STS: variants seen among roughly 807,000 people sequenced by gnomAD.
STS encodes the protein steroid sulfatase.
STS carries 7 observed loss-of-function variants against 26.8 expected under a neutral mutation model. The observed-to-expected ratio is 0.26, with a 90% confidence interval of 0.15 to 0.49. The LOEUF is 0.49. STS is among the 20% of genes least tolerant of loss of function. STS has a pLI of 0.98. For missense variants in STS, 434 were observed against 465.6 expected (o/e 0.93, Z 0.63); for synonymous variants, 199 against 189.4 (o/e 1.05, Z -0.42).
chrX:7,325,372 G>A lies in STS; in HGVS notation c.1115G>A (p.Arg372Gln), dbSNP rs753796798. ...GKANNWEGGI[R>Q]VPGILRWPRV... ...GCAAACAACTGGGAAGGAGGTATCC[G>A]GGTTCCAGGCATCCTTCGTTGGCCC... Residue 372 changes from arginine (R) to glutamine (Q), a missense_variant, in exon 9 of 11, where the codon CGG becomes CAG. Around this residue, in one of 2 missense-constraint regions of STS, gnomAD observed 205 missense variants for 177.3 expected, o/e 1.16. Transcript: ENST00000674429. 63 of 1,211,341 alleles carry A rather than the reference G, an allele frequency of 5.2e-5. No homozygotes were observed. The highest frequency in any genetic ancestry group is 2.3e-4 in the Middle Eastern group (1 of 4,354).
At chrX:7,307,724 G>A (rs1253683800) in intron 8 of STS, among the ~76,000 whole-genome samples, 1 of 111,620 alleles carries the variant, frequency 9.0e-6, no homozygotes, top group Non-Finnish European at 1.9e-5. Context: ...CATGATATCT[G>A]GCCTGTGGGC....
intron 8 of STS, among the ~76,000 whole-genome samples, chrX:7,311,644 C>T (rs1383168641): frequency 9.0e-6 from 1 of 111,569 alleles, no homozygotes; most frequent in African/African-American, 3.3e-5. Flanking sequence ...GCTCAGGAGT[C>T]GGAGCCCAGC....
intron 2 of STS, among the ~76,000 whole-genome samples, chrX:7,214,973 TATATATACATATATATACGTATATATAC>T (rs1200358382): frequency 3.1e-3 from 196 of 63,951 alleles, no homozygotes; most frequent in African/African-American, 0.011. Context: ...ATTATATATG[TATATATACATATATATACGTATATATAC>T]ATATATACGT....
chrX:7,205,121 G>C lies in STS; in HGVS notation c.-5+14113G>C, dbSNP rs144992993. 5.7e-3 allele frequency among the ~76,000 whole-genome samples: 639 copies of C among 111,774 alleles called. 3 individuals carry two copies. Among genetic ancestry groups the C allele is most frequent in the African/African-American group, 0.02 (604 of 30,752 alleles). On this transcript the variant is annotated intron_variant, in intron 2 of 10. Transcript: ENST00000674429. ...AAGAAGAAATATAAGATTTGGAGTT[G>C]TTAGTAAAATAGACTTTTGGGCAAT... is the stretch of plus-strand genomic sequence containing the variant.
intron 9 of STS, among the ~76,000 whole-genome samples, chrX:7,328,663 G>A (rs1402669771): frequency 2.8e-5 from 3 of 107,657 alleles, no homozygotes; most frequent in Non-Finnish European, 3.8e-5. Context: ...AGGCTCAAGC[G>A]ATTCTCCTGC....
chrX:7,188,444 A>C (rs1222042261), intron 1 of STS, among the ~76,000 whole-genome samples: 2 of 111,919 alleles, frequency 1.8e-5, no homozygotes, highest in African/African-American at 6.5e-5. Context: ...GCAACAACCA[A>C]ACCTGTTTCT....
intron 8 of STS, among the ~76,000 whole-genome samples, chrX:7,319,661 C>T (rs1307888595): frequency 3.6e-5 from 4 of 109,668 alleles, no homozygotes; most frequent in African/African-American, 1.3e-4. Context: ...CTACTGTTCA[C>T]ATGTATCTTT....
chrX:7,164,171 C>T (rs1349057236), intron 1 of STS, among the ~76,000 whole-genome samples: 2 of 111,796 alleles, frequency 1.8e-5, no homozygotes, highest in Non-Finnish European at 3.8e-5. Flanking sequence ...CTGTCCAAGA[C>T]TTCGCTTGAG....
chrX:7,240,008 C>T (rs913065212), intron 2 of STS, among the ~76,000 whole-genome samples: 8 of 108,524 alleles, frequency 7.4e-5, no homozygotes, highest in Non-Finnish European at 1.3e-4. Context: ...CCTCAGCCTC[C>T]CGAGTAGCTG....
At chrX:7,301,267 C>G (rs1361683297) in intron 7 of STS, among the ~76,000 whole-genome samples, 1 of 109,952 alleles carries the variant, frequency 9.1e-6, no homozygotes, top group African/African-American at 3.3e-5. Flanking sequence ...TGATACTCAC[C>G]TGTAGTCCCA....
At chrX:7,292,403 T>G (rs1048410308) in intron 7 of STS, among the ~76,000 whole-genome samples, 1 of 112,281 alleles carries the variant, frequency 8.9e-6, no homozygotes, top group African/African-American at 3.2e-5. Context: ...AAGGGAGTCT[T>G]TGTACAGAAC....
intron 8 of STS, among the ~76,000 whole-genome samples, chrX:7,318,395 C>A (rs1926815698): frequency 9.0e-6 from 1 of 111,379 alleles, no homozygotes; most frequent in Non-Finnish European, 1.9e-5. Flanking sequence ...CAAGCAAGGG[C>A]ACTTGCTCAT....
chrX:7,151,436 C>T (rs1387883658), intron 1 of STS, among the ~76,000 whole-genome samples: 5 of 111,749 alleles, frequency 4.5e-5, no homozygotes, highest in African/African-American at 1.3e-4. Context: ...TGAATTTGAG[C>T]TCCTCATTGC....
rs754804070 is a variant in STS at position 7,350,313 on chromosome X, A to G, written c.*52A>G. ...TGTGGCAAAGCTCACCATCTTCACTACAAACACGCCTGAGAGTGGCACTGG... is the reference window on the plus strand; with the variant it reads ...TGTGGCAAAGCTCACCATCTTCACTGCAAACACGCCTGAGAGTGGCACTGG... On this transcript the variant is annotated 3_prime_UTR_variant, in exon 11 of 11. Coordinates refer to ENST00000674429, the MANE Select transcript of STS (RefSeq NM_001320752.2). 1 of 1,176,325 alleles carries G rather than the reference A, an allele frequency of 8.5e-7. No homozygotes were observed. Among genetic ancestry groups the G allele is most frequent in the South Asian group, 1.8e-5 (1 of 54,147 alleles).
At chrX:7,348,585 C>T (rs1409252411) in intron 10 of STS, among the ~76,000 whole-genome samples, 1 of 111,969 alleles carries the variant, frequency 8.9e-6, no homozygotes, top group Non-Finnish European at 1.9e-5. Flanking sequence ...CAGTCAGCTC[C>T]TCAGAAAATG....
chrX:7,338,799 T>G (rs1333121841), intron 10 of STS, among the ~76,000 whole-genome samples: 1 of 112,349 alleles, frequency 8.9e-6, no homozygotes, highest in Non-Finnish European at 1.9e-5. Context: ...GTGATGGATA[T>G]CCCAATTTCC....
chrX:7,348,044 C>T (rs1381346727), intron 10 of STS, among the ~76,000 whole-genome samples: 1 of 112,041 alleles, frequency 8.9e-6, no homozygotes, highest in African/African-American at 3.2e-5. Flanking sequence ...GTGCACTGAG[C>T]CCATGTAAAG....
intron 1 of STS, among the ~76,000 whole-genome samples, chrX:7,180,729 T>G (rs1192100348): frequency 8.9e-6 from 1 of 112,429 alleles, no homozygotes; most frequent in Non-Finnish European, 1.9e-5. Flanking sequence ...AAATCAACTA[T>G]TAGGTAATTC....
chrX:7,324,324 G>A (rs1301034051), intron 8 of STS, among the ~76,000 whole-genome samples: 2 of 110,642 alleles, frequency 1.8e-5, no homozygotes, highest in Non-Finnish European at 3.8e-5. Flanking sequence ...TTATGATGCA[G>A]ATGAAACCTC....
Sources: gnomAD v4.1 joint callset for allele counts (sites outside exome capture counted in the v4.1 genomes callset) on GRCh38, gnomAD v4.1.1 for gene constraint, gnomAD v4.1.1 regional missense constraint, MANE v1.5 for transcripts, NCBI Gene and HGNC (gene_info 2026-07-23, HGNC 2026-07-21) for gene names.